MMRN1: variants seen among roughly 807,000 people sequenced by gnomAD.
The protein encoded by MMRN1 is multimerin-1.
A neutral mutation model predicts 100.7 loss-of-function variants in MMRN1; 94 were observed. The ratio of observed to expected loss-of-function variants is 0.93; its 90% CI spans 0.79 to 1.11. The LOEUF is 1.11. MMRN1 is among the 50% of genes least tolerant of loss of function. MMRN1 has a pLI of 0.00. For missense variants in MMRN1, 1,606 were observed against 1,439.1 expected (o/e 1.12, Z -1.88); for synonymous variants, 575 against 505.0 (o/e 1.14, Z -1.86).
chr4:89,917,372 T>TGA (rs1479555727), intron 3 of MMRN1, among the ~76,000 whole-genome samples: 1 of 151,908 alleles, frequency 6.6e-6, no homozygotes, highest in African/African-American at 2.4e-5. Flanking sequence ...TGATTTGTAT[T>TGA]GAGGTCTCTC....
chr4:89,919,633 G>C (rs1335127870), intron 3 of MMRN1, among the ~76,000 whole-genome samples: 1 of 151,672 alleles, frequency 6.6e-6, no homozygotes, highest in African/African-American at 2.4e-5. Flanking sequence ...AGATGTTCCA[G>C]ACTAACTGAG....
upstream of MMRN1, among the ~76,000 whole-genome samples, chr4:89,892,252 C>A (rs1721070964): frequency 1.3e-5 from 2 of 151,296 alleles, no homozygotes; most frequent in Non-Finnish European, 1.5e-5. Context: ...GAACAAATGG[C>A]AAGATGGTAA....
intron 3 of MMRN1, among the ~76,000 whole-genome samples, chr4:89,916,420 T>C (rs1339720255): frequency 6.7e-6 from 1 of 149,222 alleles, no homozygotes; most frequent in Non-Finnish European, 1.5e-5. Context: ...TAAAAGCAAA[T>C]GGGAAACTTT....
chr4:89,952,844 C>T (rs966663045), intron 7 of MMRN1, among the ~76,000 whole-genome samples, 153 bp from the exon 8 acceptor site: 4 of 152,126 alleles, frequency 2.6e-5, no homozygotes, highest in Admixed American at 1.3e-4. Context: ...AAGAGACAGG[C>T]ATTGAGACAC....
chr4:89,936,116 T>A lies in MMRN1; in HGVS notation c.2436T>A (p.Asp812Glu), dbSNP rs1453693199. 9 of 1,612,510 alleles carry A rather than the reference T, an allele frequency of 5.6e-6. No homozygotes were observed. The highest frequency in any genetic ancestry group is 7.6e-6 in the Non-Finnish European group (9 of 1,179,592). ...VAKTLAGIPR[D>E]EKLNQSNFQK... ...AGACCCTTGCAGGTATTCCCAGAGA[T>A]GAGAAACTAAATCAGTCCAACTTCC... Residue 812 changes from aspartate to glutamate, a missense_variant, in exon 6 of 8, where the codon GAT (aspartate) becomes GAA (glutamate). Transcript: ENST00000264790.
At chr4:89,924,602 T>G (rs1578486146) in intron 4 of MMRN1, among the ~76,000 whole-genome samples, 2 of 151,822 alleles carry the variant, frequency 1.3e-5, no homozygotes, top group Non-Finnish European at 2.9e-5. Flanking sequence ...CCCAGCAATT[T>G]GGGAGGCCGA....
At chr4:89,904,183 C>G (rs943352794) in intron 1 of MMRN1, among the ~76,000 whole-genome samples, 2 of 151,644 alleles carry the variant, frequency 1.3e-5, no homozygotes, top group Admixed American at 6.6e-5. Context: ...TTCTTCAACT[C>G]TCTCTGATTT....
At chr4:89,924,758 C>T (rs568918071) in intron 4 of MMRN1, among the ~76,000 whole-genome samples, 20 of 152,142 alleles carry the variant, frequency 1.3e-4, no homozygotes, top group Non-Finnish European at 1.8e-4. Flanking sequence ...GCAGGAGAAT[C>T]GCTTGAACCC....
At chr4:89,906,208 T>A (rs1166741148) in intron 1 of MMRN1, among the ~76,000 whole-genome samples, 1 of 151,496 alleles carries the variant, frequency 6.6e-6, no homozygotes, top group Non-Finnish European at 1.5e-5. Context: ...TAGTAAACTG[T>A]TTATTTATGA....
At chr4:89,881,767 T>C (rs923927108) in intron 1 of MMRN1, among the ~76,000 whole-genome samples, 14 of 151,962 alleles carry the variant, frequency 9.2e-5, no homozygotes, top group African/African-American at 3.1e-4. Context: ...TTGTTGCAAG[T>C]TGTGTACTGA....
At chr4:89,945,969 A>G (rs952613446) in intron 6 of MMRN1, among the ~76,000 whole-genome samples, 1 of 152,206 alleles carries the variant, frequency 6.6e-6, no homozygotes, top group African/African-American at 2.4e-5. Flanking sequence ...CAAAGAACAC[A>G]ATGTTAGTAA....
chr4:89,910,826 A>T (rs1418722542), intron 2 of MMRN1, among the ~76,000 whole-genome samples: 1 of 151,416 alleles, frequency 6.6e-6, no homozygotes, highest in Non-Finnish European at 1.5e-5. Flanking sequence ...CTGTCATGTT[A>T]TAGCAGAAAC....
intron 2 of MMRN1, 86 bp from the exon 3 acceptor site, chr4:89,911,858 C>A: frequency 1.2e-6 from 1 of 840,022 alleles, no homozygotes; most frequent in Non-Finnish European, 1.9e-6. Flanking sequence ...GTAGGCATTG[C>A]CCCAAAAACT....
At chr4:89,920,178 A>G (rs1560588295) in intron 3 of MMRN1, among the ~76,000 whole-genome samples, 1 of 152,056 alleles carries the variant, frequency 6.6e-6, no homozygotes, top group African/African-American at 2.4e-5. Flanking sequence ...TCAGCATTAT[A>G]TATTTGCCAA....
chr4:89,948,574 A>T (rs1723062264), intron 6 of MMRN1, among the ~76,000 whole-genome samples: 1 of 152,200 alleles, frequency 6.6e-6, no homozygotes, highest in Non-Finnish European at 1.5e-5. Context: ...GACAATGAAT[A>T]CTTAATGCTT....
intron 3 of MMRN1, among the ~76,000 whole-genome samples, chr4:89,918,191 G>A (rs1330649645): frequency 1.3e-5 from 2 of 150,410 alleles, no homozygotes; most frequent in African/African-American, 4.9e-5. Flanking sequence ...GAATATATAA[G>A]TTTCAAATGT....
chr4:89,895,942 T>C (rs1721193340), intron 1 of MMRN1, among the ~76,000 whole-genome samples: 1 of 152,108 alleles, frequency 6.6e-6, no homozygotes, highest in African/African-American at 2.4e-5. Flanking sequence ...ATATTCACAA[T>C]ATGAAAGACA....
rs1560579071 is a variant in MMRN1 at position 89,895,491 on chromosome 4, G to A, written c.520G>A (p.Val174Met). 1.1e-5 allele frequency: 17 copies of A among 1,613,822 alleles called. No homozygotes were observed. The highest frequency in any genetic ancestry group is 1.3e-5 in the African/African-American group (1 of 75,018). Residue 174 changes from valine (V) to methionine (M), a missense_variant, in exon 1 of 8, where the codon GTG becomes ATG. Transcript: ENST00000264790. ...GIGGVGGTGG[V>M]GNRAPRETYL... is the part of the protein sequence containing the mutation. ...TGGAGGCGTTGGAGGCACTGGAGGC[G>A]TGGGAAATCGAGCCCCACGGGAAAC...
intron 5 of MMRN1, among the ~76,000 whole-genome samples, chr4:89,932,136 C>T (rs1290859978): frequency 6.6e-6 from 1 of 152,120 alleles, no homozygotes; most frequent in Non-Finnish European, 1.5e-5. Context: ...GAGACATTGG[C>T]CATAACAAAG....
Sources: gnomAD v4.1 joint callset for allele counts (sites outside exome capture counted in the v4.1 genomes callset) on GRCh38, gnomAD v4.1.1 for gene constraint, MANE v1.5 for transcripts, NCBI Gene and HGNC (gene_info 2026-07-23, HGNC 2026-07-21) for gene names.